GRIK2: variants seen among roughly 807,000 people sequenced by gnomAD.
The protein encoded by GRIK2 is glutamate receptor ionotropic, kainate 2.
Under a neutral mutation model 100.3 loss-of-function variants are expected in GRIK2, and 32 were observed. The ratio of observed to expected loss-of-function variants is 0.32; its 90% confidence interval spans 0.24 to 0.43. The LOEUF (loss-of-function observed/expected upper bound fraction) is 0.43, where lower values mean the gene tolerates loss of function less well. Among genes scored for constraint, GRIK2 ranks in the 20% least tolerant of loss-of-function variants. The probability of loss-of-function intolerance (pLI) is 1.00; values close to 1 mark genes in which losing one functional copy is unlikely to be tolerated. For missense variants in GRIK2, 843 were observed against 1,114.9 expected (o/e 0.76, Z 3.47); for synonymous variants, 417 against 389.4 (o/e 1.07, Z -0.83).
At position 101,541,428 on chromosome 6, in the gene GRIK2, A is replaced by C. The variant is rs1775990953; in HGVS notation, c.116-80521A>C. 1.2e-4 allele frequency among the ~76,000 whole-genome samples: 10 copies of C among 83,516 alleles called. No individual in the cohort carries two copies. The South Asian group carries it at 4.6e-3, about 39-fold the overall frequency. The allele number at this position is 83,516 out of a possible 152,430, so 54.8% of individuals were successfully genotyped here. A position where few individuals can be genotyped will look rare whatever the true frequency, so the allele number is the denominator to read the frequency against. Reference sequence around the variant, plus strand: ...CACACACACACACACATACACACACACTACACCCTTATACAAACCCAACCA... The same window carrying C: ...CACACACACACACACATACACACACCCTACACCCTTATACAAACCCAACCA... On this transcript the variant is annotated intron_variant, in intron 2 of 16. Transcript: ENST00000369134.
At chr6:101,499,047 T>C (rs111506810) in intron 2 of GRIK2, among the ~76,000 whole-genome samples, 6,829 of 152,204 alleles carry the variant, frequency 0.045, 538 homozygotes, top group African/African-American at 0.16. Flanking sequence ...ATTTAATAAA[T>C]GGTGCTGGGA....
intron 2 of GRIK2, among the ~76,000 whole-genome samples, chr6:101,601,223 T>C (rs1336935589): frequency 1.3e-5 from 2 of 151,822 alleles, no homozygotes; most frequent in Admixed American, 6.6e-5. Context: ...TCTTTTTATA[T>C]GGTGAATCAT....
At chr6:101,687,567 T>TA (rs1478141010) in intron 7 of GRIK2, among the ~76,000 whole-genome samples, 1 of 152,052 alleles carries the variant, frequency 6.6e-6, no homozygotes, top group East Asian at 1.9e-4. Context: ...TTGATTTTTT[T>TA]ATCCTTAGAA....
At chr6:101,828,221 C>A (rs1423040607) in intron 10 of GRIK2, among the ~76,000 whole-genome samples, 1 of 151,730 alleles carries the variant, frequency 6.6e-6, no homozygotes, top group East Asian at 1.9e-4. Context: ...TTAAAGAAAT[C>A]TTTGAAATCG....
chr6:101,859,601 T>A lies in GRIK2; in HGVS notation c.1524+108T>A, dbSNP rs141976665. The A allele has an allele frequency of 5.4e-3, 3,590 of 664,276 alleles. 25 individuals carry two copies. Among genetic ancestry groups the A allele is most frequent in the Non-Finnish European group, 7.4e-3 (2,790 of 379,044 alleles). The allele number at this position is 664,276 out of a possible 1,614,324, so 41.1% of individuals were successfully genotyped here. A position where few individuals can be genotyped will look rare whatever the true frequency, so the allele number is the denominator to read the frequency against. ...AAAGAGTAGTGATATATTTCAAGCATGTATTTCCTTCAATAATTTTATTTA... is the reference window on the plus strand; with the variant it reads ...AAAGAGTAGTGATATATTTCAAGCAAGTATTTCCTTCAATAATTTTATTTA... On this transcript the variant is annotated intron_variant, in intron 11 of 16. Coordinates refer to ENST00000369134, the MANE Select transcript of GRIK2 (RefSeq NM_021956.5).
chr6:101,875,844 C>A (rs951806943), intron 11 of GRIK2, among the ~76,000 whole-genome samples: 1 of 151,900 alleles, frequency 6.6e-6, no homozygotes, highest in Non-Finnish European at 1.5e-5. Flanking sequence ...CTGCTGACAT[C>A]TGCTATTATA....
At chr6:102,014,370 A>C (rs531676349) in intron 14 of GRIK2, among the ~76,000 whole-genome samples, 43 of 151,720 alleles carry the variant, frequency 2.8e-4, no homozygotes, top group Non-Finnish European at 5.4e-4. Context: ...TCTATGTATT[A>C]ATTTTTTTTT....
chr6:101,434,483 T>A (rs1038633769), intron 2 of GRIK2, among the ~76,000 whole-genome samples: 8 of 151,384 alleles, frequency 5.3e-5, no homozygotes, highest in African/African-American at 2.0e-4. Flanking sequence ...CCTCACTAAT[T>A]TGAATATTTT....
chr6:101,796,959 T>C (rs1000751191), intron 7 of GRIK2, among the ~76,000 whole-genome samples: 1 of 152,172 alleles, frequency 6.6e-6, no homozygotes, highest in African/African-American at 2.4e-5. Flanking sequence ...ACTGAAACTA[T>C]ATACCAGAAA....
At chr6:102,022,739 A>G (rs2114371697) in intron 14 of GRIK2, among the ~76,000 whole-genome samples, 1 of 151,712 alleles carries the variant, frequency 6.6e-6, no homozygotes, top group South Asian at 2.1e-4. Flanking sequence ...TTGTACCTTC[A>G]TCACTTGATT....
intron 5 of GRIK2, among the ~76,000 whole-genome samples, chr6:101,678,189 C>T (rs901840226): frequency 2.9e-4 from 44 of 152,194 alleles, no homozygotes; most frequent in Admixed American, 1.5e-3. Flanking sequence ...AAATGATCAG[C>T]TGTCTTTTCT....
chr6:101,834,343 T>A (rs1473551781), intron 10 of GRIK2, among the ~76,000 whole-genome samples: 1 of 152,130 alleles, frequency 6.6e-6, no homozygotes, highest in Non-Finnish European at 1.5e-5. Context: ...TGTACTTCAC[T>A]ATTTTTTCAG....
intron 12 of GRIK2, among the ~76,000 whole-genome samples, chr6:101,919,126 G>C (rs932307334): frequency 1.3e-5 from 2 of 151,704 alleles, no homozygotes; most frequent in African/African-American, 2.4e-5. Context: ...TTGAAATTCA[G>C]AGACAGAGAA....
At chr6:101,595,951 TA>T (rs1778907814) in intron 2 of GRIK2, among the ~76,000 whole-genome samples, 2 of 129,816 alleles carry the variant, frequency 1.5e-5, no homozygotes, top group African/African-American at 3.1e-5. Context: ...TATAATTCAT[TA>T]AAATTTTTTT....
intron 2 of GRIK2, among the ~76,000 whole-genome samples, chr6:101,417,938 A>C (rs1173170251): frequency 2.0e-5 from 3 of 152,156 alleles, no homozygotes; most frequent in Non-Finnish European, 4.4e-5. Context: ...TTATCCTGAA[A>C]ATCTGGGTGT....
chr6:101,991,594 C>G (rs1022394374), intron 14 of GRIK2, among the ~76,000 whole-genome samples: 3 of 150,962 alleles, frequency 2.0e-5, no homozygotes, highest in African/African-American at 7.3e-5. Flanking sequence ...CAAAAAAATT[C>G]AGAAAATTAT....
chr6:101,765,272 G>A (rs952703870), intron 7 of GRIK2, among the ~76,000 whole-genome samples: 1 of 152,092 alleles, frequency 6.6e-6, no homozygotes, highest in Non-Finnish European at 1.5e-5. Flanking sequence ...TACTGGGCGT[G>A]AACTCCATAA....
rs139248501 is a variant in GRIK2, at chr6:101,422,927, C to T, written c.115+23535C>T. ...TTACAGTGCATTTTTTCTTATGGCT[C>T]TTATGGGAATTCATCTGAACTTTCA... On this transcript the variant is annotated intron_variant, in intron 2 of 16. Coordinates refer to ENST00000369134, the MANE Select transcript of GRIK2 (RefSeq NM_021956.5). 2.8e-4 allele frequency among the ~76,000 whole-genome samples: 43 copies of T among 152,208 alleles called. 1 individual carries two copies. In the East Asian group the frequency reaches 6.9e-3, roughly 25 times the overall value.
At chr6:101,695,289 G>T (rs1254716012) in intron 7 of GRIK2, among the ~76,000 whole-genome samples, 1 of 152,082 alleles carries the variant, frequency 6.6e-6, no homozygotes, top group Admixed American at 6.6e-5. Flanking sequence ...AAGGGCAAGA[G>T]AGTGGTCCTT....
Sources: gnomAD v4.1 joint callset for allele counts (sites outside exome capture counted in the v4.1 genomes callset) on GRCh38, gnomAD v4.1.1 for gene constraint, MANE v1.5 for transcripts, NCBI Gene and HGNC (gene_info 2026-07-23, HGNC 2026-07-21) for gene names.